The following FAM186B variants were observed in gnomAD, a reference collection of about 807,000 sequenced individuals.
FAM186B encodes protein FAM186B.
FAM186B carries 68 observed loss-of-function variants against 83.4 expected under a neutral mutation model. The observed-to-expected ratio is 0.81, with a 90% CI of 0.67 to 1.00. FAM186B has a LOEUF of 1.00. FAM186B is among the 50% of genes least tolerant of loss of function. The pLI is 0.00. For missense variants in FAM186B, 983 were observed against 1,099.2 expected (o/e 0.89, Z 1.49); for synonymous variants, 389 against 422.0 (o/e 0.92, Z 0.96).
chr12:49,588,326 T>C, intron 6 of FAM186B, 128 bp downstream of exon 6: 3 of 1,189,030 alleles, frequency 2.5e-6, no homozygotes, highest in East Asian at 4.9e-5. Flanking sequence ...ACAGGCACTT[T>C]GCAACTCGTA....
At chr12:49,608,677 A>G (rs1256768798), upstream of FAM186B, among the ~76,000 whole-genome samples, 1 of 151,906 alleles carries the variant, frequency 6.6e-6, no homozygotes, top group Non-Finnish European at 1.5e-5. Context: ...CAGGGAGGAA[A>G]ACAAAGGCAA....
rs201089681 is a variant in FAM186B at position 49,590,140 on chromosome 12, G to GT, written c.2365-1518dup. On this transcript the variant is annotated intron_variant, in intron 5 of 6. Coordinates refer to ENST00000257894, the MANE Select transcript of FAM186B (RefSeq NM_032130.3). ...AGAAGTTTCAAGGATTCCAATATAA[G>GT]TTTTTTTTTAGTAATTCAGTATATA... 4.5e-4 allele frequency among the ~76,000 whole-genome samples: 68 copies of GT among 150,160 alleles called. 3 individuals carry two copies. The South Asian group carries it at 7.2e-3, about 16-fold the overall frequency.
upstream of FAM186B, chr12:49,605,757 T>TC (rs1940005514): frequency 4.4e-6 from 1 of 229,718 alleles, no homozygotes; most frequent in Non-Finnish European, 8.2e-6. Context: ...TGTTGCCTTT[T>TC]CTTTTTTTTT....
the FAM186B span, among the ~76,000 whole-genome samples, chr12:49,611,795 G>C: frequency 7.0e-6 from 1 of 142,588 alleles, no homozygotes; most frequent in Non-Finnish European, 1.5e-5. Context: ...GGAGGCGGAG[G>C]TGGCAGTGAG....
At chr12:49,603,401 A>G (rs779944906) in intron 2 of FAM186B, 34 bp from the exon 3 acceptor site, 26 of 1,610,500 alleles carry the variant, frequency 1.6e-5, no homozygotes, top group Non-Finnish European at 2.0e-5. Flanking sequence ...GGCTGAGAGC[A>G]GTCTGTCCTC....
the FAM186B span, among the ~76,000 whole-genome samples, chr12:49,615,906 A>C: frequency 2.6e-5 from 4 of 152,238 alleles, no homozygotes; most frequent in Admixed American, 6.5e-5. Context: ...CCCAACTCTG[A>C]TAAGAATGAG....
At chr12:49,605,752 CCTTTT>C, upstream of FAM186B, 8 of 255,458 alleles carry the variant, frequency 3.1e-5, no homozygotes, top group Non-Finnish European at 4.4e-5. Context: ...TGACTTGTTG[CCTTTT>C]CTTTTTTTTT....
rs757594723 is a variant in FAM186B, at chr12:49,604,396, A to G, written c.239T>C (p.Leu80Pro). ...DPKGKKRFIL[L>P]EKIASFSKDA... is the part of the protein sequence containing the mutation. ...TTTGGAGAAGGAGGCAATTTTTTCC[A>G]GCAAGATGAATCTCTTCTTGCCCTT... The change falls in exon 2 of 7, where the codon CTG becomes CCG. Residue 80 changes from leucine to proline, a missense_variant. By Grantham distance (98) the Leu-to-Pro change is moderately conservative. Coordinates refer to ENST00000257894, the MANE Select transcript of FAM186B (RefSeq NM_032130.3). 6.2e-7 allele frequency: 1 copy of G among 1,614,250 alleles called. No individual in the cohort carries two copies. The highest frequency in any genetic ancestry group is 1.1e-5 in the South Asian group (1 of 91,088).
chr12:49,604,622 C>G, intron 1 of FAM186B, 84 bp from the exon 2 acceptor site: 9 of 1,088,878 alleles, frequency 8.3e-6, no homozygotes, highest in Non-Finnish European at 1.2e-5. Flanking sequence ...TTGGACAAGT[C>G]GCTTAGCCTC....
At chr12:49,587,135 C>T (rs1410112267), downstream of FAM186B, among the ~76,000 whole-genome samples, 1 of 152,190 alleles carries the variant, frequency 6.6e-6, no homozygotes, top group Non-Finnish European at 1.5e-5. Flanking sequence ...CCCCTGGAGT[C>T]CCACCTCTGT....
In FAM186B at chr12:49,604,134, T is replaced by C. The variant is rs1288963218; in HGVS notation, c.322+179A>G. 8.5e-6 allele frequency: 5 copies of C among 591,248 alleles called. No homozygotes were observed. In the Admixed American group the frequency reaches 1.5e-4, roughly 18 times the overall value. 36.6% of individuals were successfully genotyped at this position (591,248 alleles called of 1,614,324 possible). A position where few individuals can be genotyped will look rare whatever the true frequency, so the allele number is the denominator to read the frequency against. On this transcript the variant is annotated intron_variant, in intron 2 of 6. Transcript: ENST00000257894. ...GGCTTCATCATATATTCAGCTAATGTCATGATCTGTGATGTTTGGACACTT... is the reference window on the plus strand; with the variant it reads ...GGCTTCATCATATATTCAGCTAATGCCATGATCTGTGATGTTTGGACACTT...
downstream of FAM186B, chr12:49,582,891 C>T: frequency 2.6e-6 from 1 of 385,912 alleles, no homozygotes; most frequent in South Asian, 1.9e-5. Context: ...AAGATACACA[C>T]ACATATATAT....
rs753480309 is a variant in FAM186B, at chr12:49,599,481, A to T, written c.2159T>A (p.Leu720His). The T allele has an allele frequency of 2.0e-6, 3 of 1,533,480 alleles. No homozygotes were observed. The highest frequency in any genetic ancestry group is 2.6e-6 in the Non-Finnish European group (3 of 1,143,110). The allele number at this position is 1,533,480 out of a possible 1,614,324, so 95.0% of individuals were successfully genotyped here. The change falls in exon 4 of 7, where the codon CTC (leucine) becomes CAC (histidine). Residue 720 changes from leucine (L) to histidine (H), a missense_variant. Physicochemically the swap from Leu to His is moderately conservative, Grantham distance 99. Transcript: ENST00000257894. ...LCHKYIFYRR[L>H]QSLRQEAINH... is the part of the protein sequence containing the mutation. Reference sequence around the variant, plus strand: ...AGGGAGGACCTACCGGAGGCTCTGGAGGCGTCTATAGAAGATGTACTTATG... The same window carrying T: ...AGGGAGGACCTACCGGAGGCTCTGGTGGCGTCTATAGAAGATGTACTTATG...
At chr12:49,592,513 G>A (rs1939603667) in intron 5 of FAM186B, among the ~76,000 whole-genome samples, 1 of 152,108 alleles carries the variant, frequency 6.6e-6, no homozygotes. Context: ...GCTGGGCATG[G>A]TGGCTCAAGC....
chr12:49,605,225 A>C, intron 1 of FAM186B, 157 bp downstream of exon 1: 1 of 1,468,512 alleles, frequency 6.8e-7, no homozygotes, highest in Non-Finnish European at 9.0e-7. Context: ...AGTTTAGGAG[A>C]GAGATAATTT....
chr12:49,584,244 T>G, downstream of FAM186B: 1 of 460,530 alleles, frequency 2.2e-6, no homozygotes. Context: ...TAAAACTGAG[T>G]TGAGGAGGTG....
chr12:49,600,084 C>T lies in FAM186B; in HGVS notation c.1556G>A (p.Arg519Gln), dbSNP rs778505020. The T allele has an allele frequency of 2.9e-5, 46 of 1,608,766 alleles. No homozygotes were observed. In the East Asian group the frequency reaches 3.1e-4, roughly 11 times the overall value. ...LLEQEHQEKL[R>Q]QWNLEDLARE... is the part of the protein sequence containing the mutation. ...GGCCAGGTCTTCCAGATTCCACTGCCGCAGCTTCTCCTGATGCTCCTGCTC... is the reference window on the plus strand; with the variant it reads ...GGCCAGGTCTTCCAGATTCCACTGCTGCAGCTTCTCCTGATGCTCCTGCTC... Residue 519 changes from arginine to glutamine, a missense_variant, in exon 4 of 7, where the codon CGG becomes CAG. By Grantham distance (43) the Arg-to-Gln change is conservative (BLOSUM62 1). Transcript: ENST00000257894. This position sits in a 1 kb window ranked among gnomAD's most constrained non-coding sequence, Gnocchi z 4.3.
the FAM186B span, among the ~76,000 whole-genome samples, chr12:49,619,953 T>TG: frequency 6.6e-6 from 1 of 152,144 alleles, no homozygotes; most frequent in African/African-American, 2.4e-5. Flanking sequence ...GTGCTGGGAT[T>TG]ACAGGCATGA....
Position 49,600,430 on chromosome 12 carries a change from C to T in FAM186B, c.1210G>A (p.Val404Met). The change falls in exon 4 of 7, where the codon GTG becomes ATG. Residue 404 changes from valine (V) to methionine (M), a missense_variant. By Grantham distance (21) the Val-to-Met change is conservative. Transcript: ENST00000257894. This position sits in a 1 kb window ranked among gnomAD's most constrained non-coding sequence, Gnocchi z 4.3. Reference protein sequence around the residue: ...TMTVRSRVADVFGSKDTESLE... With the variant: ...TMTVRSRVADMFGSKDTESLE... ...CTCTCAGTGTCCTTGCTGCCGAACA[C>T]ATCTGCGACCCTCGAGCGCACAGTC... is the stretch of plus-strand genomic sequence containing the variant. The T allele has an allele frequency of 6.2e-7, 1 of 1,613,516 alleles. No individual in the cohort carries two copies. The highest frequency in any genetic ancestry group is 8.5e-7 in the Non-Finnish European group (1 of 1,179,594).
Sources: gnomAD v4.1 joint callset for allele counts (sites outside exome capture counted in the v4.1 genomes callset) on GRCh38, gnomAD v4.1.1 for gene constraint, Gnocchi (gnomAD v3.1) non-coding constraint, MANE v1.5 for transcripts, NCBI Gene and HGNC (gene_info 2026-07-23, HGNC 2026-07-21) for gene names.